The following LRRC4C variants were observed in gnomAD, a reference collection of about 807,000 sequenced individuals.
LRRC4C encodes leucine-rich repeat-containing protein 4C.
A neutral mutation model predicts 33.6 loss-of-function variants in LRRC4C; 5 were observed. The ratio of observed to expected loss-of-function variants is 0.15; its 90% CI spans 0.08 to 0.31. The LOEUF (loss-of-function observed/expected upper bound fraction) is 0.31. LRRC4C is among the 10% of genes least tolerant of loss of function. The pLI is 1.00. For synonymous variants in LRRC4C, 329 were observed against 302.0 expected, an observed-to-expected ratio of 1.09 and a Z score of -0.93; for missense variants, 560 against 796.7, an observed-to-expected ratio of 0.70 and a Z score of 3.58.
chr11:41,111,463 T>C (rs1349412397), intron 1 of LRRC4C, among the ~76,000 whole-genome samples: 1 of 152,076 alleles, frequency 6.6e-6, no homozygotes, highest in Non-Finnish European at 1.5e-5. Context: ...AGATAAAGTA[T>C]ATTAAACTAT....
intron 1 of LRRC4C, among the ~76,000 whole-genome samples, chr11:41,328,535 C>G (rs1466085320): frequency 6.6e-6 from 1 of 152,126 alleles, no homozygotes; most frequent in Admixed American, 6.6e-5. Flanking sequence ...TCAACACGCT[C>G]CTTACTGAGT....
intron 6 of LRRC4C, among the ~76,000 whole-genome samples, chr11:40,130,724 T>C (rs1460987233): frequency 6.6e-6 from 1 of 152,190 alleles, no homozygotes; most frequent in African/African-American, 2.4e-5. Context: ...AGCCCCTCCA[T>C]AGTGCTGTGC....
At chr11:41,395,477 G>A (rs1181372139) in intron 1 of LRRC4C, among the ~76,000 whole-genome samples, 2 of 151,902 alleles carry the variant, frequency 1.3e-5, no homozygotes, top group Non-Finnish European at 2.9e-5. Flanking sequence ...CTATAATTTA[G>A]TCTCATTTTG....
intron 3 of LRRC4C, among the ~76,000 whole-genome samples, chr11:40,339,343 T>C (rs1946765698): frequency 6.6e-6 from 1 of 152,162 alleles, no homozygotes; most frequent in Non-Finnish European, 1.5e-5. Context: ...AAAAAACACC[T>C]CGAACTCCAT....
intron 1 of LRRC4C, among the ~76,000 whole-genome samples, chr11:41,431,305 A>G (rs1955225997): frequency 6.6e-6 from 1 of 152,052 alleles, no homozygotes; most frequent in African/African-American, 2.4e-5. Flanking sequence ...ATACATTAGG[A>G]AAAATTTCAA....
intron 5 of LRRC4C, among the ~76,000 whole-genome samples, chr11:40,209,418 G>C (rs767649438): frequency 6.6e-6 from 1 of 152,114 alleles, no homozygotes; most frequent in Non-Finnish European, 1.5e-5. Flanking sequence ...AAAGGCTAAA[G>C]GCTTTCCTTG....
intron 1 of LRRC4C, among the ~76,000 whole-genome samples, chr11:41,010,776 A>G (rs563925338): frequency 2.6e-5 from 4 of 152,198 alleles, no homozygotes; most frequent in Admixed American, 6.5e-5. Context: ...CATTGCTATC[A>G]GCACATGGCT....
chr11:41,445,078 C>T (rs1313726256), intron 1 of LRRC4C, among the ~76,000 whole-genome samples: 1 of 152,164 alleles, frequency 6.6e-6, no homozygotes, highest in Non-Finnish European at 1.5e-5. Flanking sequence ...GCTGGGATTA[C>T]AGGCATGAGC....
At chr11:41,221,394 A>G (rs1460814887) in intron 1 of LRRC4C, among the ~76,000 whole-genome samples, 2 of 152,180 alleles carry the variant, frequency 1.3e-5, no homozygotes, top group Admixed American at 6.5e-5. Context: ...TACAAAGTCA[A>G]AAAATAGCAG....
intron 1 of LRRC4C, among the ~76,000 whole-genome samples, chr11:41,355,454 A>G (rs902205289): frequency 2.0e-5 from 3 of 152,110 alleles, no homozygotes; most frequent in Non-Finnish European, 4.4e-5. Flanking sequence ...CAATTTAAAC[A>G]TATTTATACT....
chr11:40,766,630 G>A (rs2137123527), intron 2 of LRRC4C, among the ~76,000 whole-genome samples: 1 of 152,138 alleles, frequency 6.6e-6, no homozygotes, highest in African/African-American at 2.4e-5. Context: ...TTAAAATGTA[G>A]AGTATGTATT....
At chr11:40,148,895 A>T (rs1436705711) in intron 5 of LRRC4C, among the ~76,000 whole-genome samples, 2 of 152,202 alleles carry the variant, frequency 1.3e-5, no homozygotes, top group Admixed American at 1.3e-4. Context: ...AATCTTTTGC[A>T]TATGGCTAGC....
At chr11:40,156,054 C>A (rs1256012633) in intron 5 of LRRC4C, among the ~76,000 whole-genome samples, 1 of 152,000 alleles carries the variant, frequency 6.6e-6, no homozygotes, top group African/African-American at 2.4e-5. Context: ...AACATACGCA[C>A]GTCAATAAAT....
In LRRC4C at chr11:41,123,367, G is replaced by GGTT. The variant is rs1434464296; in HGVS notation, c.-495-189647_-495-189645dup. On this transcript the variant is annotated intron_variant, in intron 1 of 6. Transcript: ENST00000528697. ...GGCTCACTGCAAGCTCCGCCTCCCGGGTTCACGCCATTCTCCTGCCTCAGC... is the reference window on the plus strand; with the variant it reads ...GGCTCACTGCAAGCTCCGCCTCCCGGGTTGTTCACGCCATTCTCCTGCCTCAGC... 7.4e-3 allele frequency among the ~76,000 whole-genome samples: 1,052 copies of GGTT among 142,808 alleles called. 5 individuals are homozygous for GGTT. The highest frequency in any genetic ancestry group is 0.026 in the African/African-American group (997 of 37,678). 93.7% of individuals were successfully genotyped at this position (142,808 alleles called of 152,430 possible).
chr11:40,910,906 G>T (rs1426188061), intron 2 of LRRC4C, among the ~76,000 whole-genome samples: 3 of 152,206 alleles, frequency 2.0e-5, no homozygotes, highest in Non-Finnish European at 4.4e-5. Context: ...TATATCCCAT[G>T]CCTGGCTTGG....
intron 2 of LRRC4C, among the ~76,000 whole-genome samples, chr11:40,763,099 A>ACG (rs1949300646): frequency 6.7e-6 from 1 of 149,628 alleles, no homozygotes; most frequent in East Asian, 2.0e-4. Context: ...ATATGTATAT[A>ACG]TATATATTTA....
rs55810825 is a variant in LRRC4C at position 40,893,818 on chromosome 11, A to AAC, written c.-407+39815_-407+39816dup. ...GAAAAATGTTTTAGTTACGTATTAT[A>AAC]ACACACACACACACACACACACACA... On this transcript the variant is annotated intron_variant, in intron 2 of 6. Transcript: ENST00000528697. Among the ~76,000 whole-genome samples, 318 of 70,054 alleles carry AAC rather than the reference A, an allele frequency of 4.5e-3. 2 individuals carry two copies. The highest frequency in any genetic ancestry group is 0.027 in the Middle Eastern group (3 of 112). 46.0% of individuals were successfully genotyped at this position (70,054 alleles called of 152,430 possible).
intron 1 of LRRC4C, among the ~76,000 whole-genome samples, chr11:41,334,724 TC>T (rs1209003914): frequency 6.6e-6 from 1 of 152,046 alleles, no homozygotes; most frequent in African/African-American, 2.4e-5. Flanking sequence ...GATGGTGCAT[TC>T]CTGCAGTCCC....
chr11:40,948,637 G>A (rs1306990353), intron 1 of LRRC4C, among the ~76,000 whole-genome samples: 24 of 148,136 alleles, frequency 1.6e-4, no homozygotes, highest in Non-Finnish European at 3.0e-4. Context: ...TTGTTCTTGC[G>A]ATAGTTTACT....
Sources: allele counts gnomAD v4.1 joint callset (sites outside exome capture counted in the v4.1 genomes callset), GRCh38; gene constraint gnomAD v4.1.1; transcripts MANE v1.5; gene names NCBI Gene and HGNC (gene_info 2026-07-23, HGNC 2026-07-21).